C1orf146: variants seen among roughly 807,000 people sequenced by gnomAD.
C1orf146 encodes the protein protein SPO16 homolog.
C1orf146 carries 22 observed loss-of-function variants against 23.0 expected under a neutral mutation model. The ratio of observed to expected loss-of-function variants is 0.96; its 90% CI spans 0.68 to 1.36. C1orf146 has a LOEUF of 1.36. C1orf146 is among the 40% of genes most tolerant of loss of function. The probability of loss-of-function intolerance (pLI) is 0.00; values close to 1 mark genes in which losing one functional copy is unlikely to be tolerated. For synonymous variants in C1orf146, 59 were observed against 65.3 expected, an observed-to-expected ratio of 0.90 and a Z score of 0.47; for missense variants, 199 against 206.8, an observed-to-expected ratio of 0.96 and a Z score of 0.23.
At chr1:92,220,697 T>C (rs938456159) in intron 1 of C1orf146, among the ~76,000 whole-genome samples, 1 of 152,236 alleles carries the variant, frequency 6.6e-6, no homozygotes, top group Admixed American at 6.5e-5. Context: ...CTGTGTGTAT[T>C]CTTCTGTATC....
intron 2 of C1orf146, among the ~76,000 whole-genome samples, chr1:92,238,509 A>G (rs573804947): frequency 1.3e-5 from 2 of 152,336 alleles, no homozygotes; most frequent in South Asian, 2.1e-4. Context: ...TCTATGAAAC[A>G]TATTTTGAAA....
At chr1:92,242,136 C>G in intron 2 of C1orf146, 76 bp from the exon 3 acceptor site, 2 of 688,576 alleles carry the variant, frequency 2.9e-6, no homozygotes, top group Non-Finnish European at 4.7e-6. Flanking sequence ...ACATATTAAA[C>G]TTTTAATTTT....
intron 2 of C1orf146, among the ~76,000 whole-genome samples, chr1:92,239,872 G>A (rs1007005662): frequency 2.0e-5 from 3 of 152,178 alleles, no homozygotes; most frequent in Non-Finnish European, 4.4e-5. Flanking sequence ...TTAACTGAGT[G>A]TTGTGTATTT....
intron 1 of C1orf146, among the ~76,000 whole-genome samples, chr1:92,218,490 C>T (rs1651735625): frequency 6.6e-6 from 1 of 152,082 alleles, no homozygotes; most frequent in Admixed American, 6.5e-5. Context: ...CAACAAAAGC[C>T]CAGAATACCA....
chr1:92,220,468 A>T (rs1386370052), intron 1 of C1orf146, among the ~76,000 whole-genome samples: 1 of 152,230 alleles, frequency 6.6e-6, no homozygotes, highest in Non-Finnish European at 1.5e-5. Flanking sequence ...TCTACTAGAC[A>T]TCTAGGCTAT....
At chr1:92,222,266 G>A (rs1459524029) in intron 1 of C1orf146, among the ~76,000 whole-genome samples, 2 of 151,980 alleles carry the variant, frequency 1.3e-5, no homozygotes, top group East Asian at 3.8e-4. Flanking sequence ...GCATTTGTGT[G>A]CATGTGTGTC....
intron 3 of C1orf146, 23 bp downstream of exon 3, chr1:92,242,328 C>G: frequency 8.4e-7 from 1 of 1,188,368 alleles, no homozygotes; most frequent in Non-Finnish European, 1.2e-6. Flanking sequence ...TGCTCACTGC[C>G]TTAAGTTTCT....
intron 2 of C1orf146, among the ~76,000 whole-genome samples, chr1:92,238,614 T>A (rs75845152): frequency 1.6e-4 from 24 of 151,778 alleles, no homozygotes; most frequent in African/African-American, 5.1e-4. Flanking sequence ...ATTTTTTTTT[T>A]AAGCATTCCA....
intron 1 of C1orf146, 47 bp from the exon 2 acceptor site, chr1:92,231,335 A>G: frequency 1.2e-6 from 1 of 860,232 alleles, no homozygotes; most frequent in Non-Finnish European, 1.9e-6. Context: ...TAATTTACTC[A>G]TTCATCAGAT....
chr1:92,233,611 G>A (rs377545198), intron 2 of C1orf146, among the ~76,000 whole-genome samples: 11 of 152,014 alleles, frequency 7.2e-5, no homozygotes, highest in African/African-American at 1.9e-4. Flanking sequence ...TTGGTTCCAT[G>A]TGAACTTTAA....
chr1:92,236,394 C>T (rs1652276855), intron 2 of C1orf146, among the ~76,000 whole-genome samples: 1 of 152,116 alleles, frequency 6.6e-6, no homozygotes, highest in African/African-American at 2.4e-5. Flanking sequence ...ATATGAAATT[C>T]TGGGTTGAAA....
At chr1:92,221,056 A>C (rs1285514850) in intron 1 of C1orf146, among the ~76,000 whole-genome samples, 3 of 152,232 alleles carry the variant, frequency 2.0e-5, no homozygotes, top group African/African-American at 7.2e-5. Context: ...TCAGAGACAA[A>C]GAATATTTTT....
Position 92,244,783 on chromosome 1 carries a change from C to T in C1orf146, c.334C>T (p.Leu112=), listed in dbSNP as rs775281069. 14 of 1,596,874 alleles carry T rather than the reference C, an allele frequency of 8.8e-6. No homozygotes were observed. In the South Asian group the frequency reaches 1.6e-4, roughly 18 times the overall value. ...ATAACATGAATTGTTTTTCAGATTCCTGGGTTGTAACTTACGAATACTTCC... is the reference window on the plus strand; with the variant it reads ...ATAACATGAATTGTTTTTCAGATTCTTGGGTTGTAACTTACGAATACTTCC... ...KLMFRIQQRF[L]GCNLRILPVH... Residue 112 remains leucine (L), a synonymous_variant, in exon 5 of 6, where the codon CTG becomes TTG. Coordinates refer to ENST00000370375, the MANE Select transcript of C1orf146 (RefSeq NM_001012425.2).
At chr1:92,238,418 A>G (rs926844351) in intron 2 of C1orf146, among the ~76,000 whole-genome samples, 1 of 152,218 alleles carries the variant, frequency 6.6e-6, no homozygotes, top group Admixed American at 6.5e-5. Flanking sequence ...GTAAAACCCC[A>G]AAAAGAGATG....
intron 4 of C1orf146, 127 bp from the exon 5 acceptor site, chr1:92,244,652 G>T: frequency 1.5e-6 from 1 of 662,080 alleles, no homozygotes; most frequent in African/African-American, 1.8e-5. Context: ...AATCCTCTGT[G>T]GAGTAAGGCA....
intron 1 of C1orf146, among the ~76,000 whole-genome samples, chr1:92,221,471 C>A (rs537141401): frequency 6.6e-6 from 1 of 152,190 alleles, no homozygotes; most frequent in Non-Finnish European, 1.5e-5. Context: ...ACATATACCC[C>A]CTGAATCTAA....
intron 1 of C1orf146, among the ~76,000 whole-genome samples, chr1:92,231,047 AGTCT>A (rs1374759656): frequency 2.0e-5 from 3 of 152,294 alleles, no homozygotes; most frequent in South Asian, 2.1e-4. Context: ...TTTGTCTCTG[AGTCT>A]GTCTTTTATC....
At chr1:92,226,406 CACACACACAT>C (rs1468297404) in intron 1 of C1orf146, among the ~76,000 whole-genome samples, 11 of 147,802 alleles carry the variant, frequency 7.4e-5, no homozygotes, top group Non-Finnish European at 1.1e-4. Context: ...CATGCACACA[CACACACACAT>C]ACACACACAC....
chr1:92,231,552 A>C, intron 2 of C1orf146, 66 bp downstream of exon 2: 1 of 1,073,412 alleles, frequency 9.3e-7, no homozygotes. Flanking sequence ...CATATAGAAC[A>C]ACATTTTAAA....
Sources: allele counts gnomAD v4.1 joint callset (sites outside exome capture counted in the v4.1 genomes callset), GRCh38; gene constraint gnomAD v4.1.1; transcripts MANE v1.5; gene names NCBI Gene and HGNC (gene_info 2026-07-23, HGNC 2026-07-21).